The following NEURL3 variants were observed in gnomAD, a reference collection of about 807,000 sequenced individuals.
NEURL3 encodes the protein E3 ubiquitin-protein ligase NEURL3.
Under a neutral mutation model 17.6 loss-of-function variants are expected in NEURL3, and 19 were observed. That is an observed-to-expected ratio of 1.08 (90% CI 0.75 to 1.58). NEURL3 has a LOEUF of 1.58. Among genes scored for constraint, NEURL3 ranks in the 40% most tolerant of loss-of-function variants. The pLI is 0.00. For missense variants in NEURL3, 342 were observed against 379.6 expected (o/e 0.90, Z 0.82); for synonymous variants, 180 against 161.4 (o/e 1.11, Z -0.87).
At position 96,498,710 on chromosome 2, in the gene NEURL3, G is replaced by T. The variant is rs1288974913; in HGVS notation, c.587-264C>A. 6.6e-6 allele frequency among the ~76,000 whole-genome samples: 1 copy of T among 151,964 alleles called. No homozygotes were observed. Among genetic ancestry groups the T allele is most frequent in the Non-Finnish European group, 1.5e-5 (1 of 67,992 alleles). On this transcript the variant is annotated intron_variant, in intron 3 of 3. Coordinates refer to ENST00000451794, the MANE Select transcript of NEURL3 (RefSeq NM_001285485.2). This position sits in a 1 kb window ranked among gnomAD's most constrained non-coding sequence, Gnocchi z 4.4. ...TATACACACGTCTATATCGATGACCGAAAATACTGGGAGGAAATCCACCCA... is the reference window on the plus strand; with the variant it reads ...TATACACACGTCTATATCGATGACCTAAAATACTGGGAGGAAATCCACCCA...
At chr2:96,505,865 G>A (rs535755666), upstream of NEURL3, among the ~76,000 whole-genome samples, 7 of 152,316 alleles carry the variant, frequency 4.6e-5, no homozygotes, top group South Asian at 1.2e-3. Flanking sequence ...GAAAGGAGGG[G>A]TAAAGCAGAC....
intron 3 of NEURL3, 118 bp downstream of exon 3, chr2:96,499,260 C>G: frequency 6.8e-7 from 1 of 1,473,930 alleles, no homozygotes; most frequent in East Asian, 2.4e-5. Context: ...AGAGCCAAAT[C>G]TTTTGGCCCA....
At chr2:96,500,064 G>A (rs551655585) in intron 2 of NEURL3, 2 of 248,422 alleles carry the variant, frequency 8.1e-6, no homozygotes, top group South Asian at 5.8e-5. Context: ...CTCTCCATGC[G>A]CACCTCTAGC....
At chr2:96,506,699 G>T (rs191945650), upstream of NEURL3, among the ~76,000 whole-genome samples, 71 of 152,378 alleles carry the variant, frequency 4.7e-4, 1 homozygote, top group African/African-American at 1.7e-3. Context: ...TCCCCAGAGC[G>T]CTGCAGCCAT....
In NEURL3 at chr2:96,499,656, A is replaced by T. The variant is rs189497677; in HGVS notation, c.515-207T>A. Among the ~76,000 whole-genome samples the T allele has an allele frequency of 1.1e-4, 17 of 152,040 alleles. 3 individuals carry two copies. The highest frequency in any genetic ancestry group is 4.1e-4 in the African/African-American group (17 of 41,482). On this transcript the variant is annotated intron_variant, in intron 2 of 3. Coordinates refer to ENST00000451794, the MANE Select transcript of NEURL3 (RefSeq NM_001285485.2). ...AATCCGAGAATCCTTGGGGCTGGAGATTCCTCCTCCTGAGCCACCTTCCTT... is the reference window on the plus strand; with the variant it reads ...AATCCGAGAATCCTTGGGGCTGGAGTTTCCTCCTCCTGAGCCACCTTCCTT...
At chr2:96,506,183 C>T (rs943613923), upstream of NEURL3, among the ~76,000 whole-genome samples, 2 of 152,158 alleles carry the variant, frequency 1.3e-5, no homozygotes, top group African/African-American at 4.8e-5. Context: ...ACTCAGAAAG[C>T]CTGAGGCCCT....
chr2:96,499,843 C>T (rs541307872), intron 2 of NEURL3: 7 of 195,568 alleles, frequency 3.6e-5, no homozygotes, highest in South Asian at 1.2e-4. Context: ...AGGTGTGAGG[C>T]GCTGGCAGCT....
At position 96,499,425 on chromosome 2, in the gene NEURL3, G is replaced by A. The variant is rs746803128; in HGVS notation, c.539C>T (p.Thr180Ile). ...GTTGCTGAGGTCCCATGGCATGGGT[G>A]TTGGGAGCCGGCTGGCTGTGGGATC... Reference protein sequence around the residue: ...LLDPTASRLPTPMPWDLSNKA... With the variant: ...LLDPTASRLPIPMPWDLSNKA... Residue 180 changes from threonine (T) to isoleucine (I), a missense_variant, in exon 3 of 4, where the codon ACA becomes ATA. Coordinates refer to ENST00000451794, the MANE Select transcript of NEURL3 (RefSeq NM_001285485.2). The A allele has an allele frequency of 1.3e-5, 20 of 1,599,564 alleles. No homozygotes were observed. The highest frequency in any genetic ancestry group is 1.4e-5 in the Non-Finnish European group (16 of 1,179,804).
At chr2:96,504,967 G>A (rs140423057) in intron 1 of NEURL3, among the ~76,000 whole-genome samples, 1 of 151,804 alleles carries the variant, frequency 6.6e-6, no homozygotes, top group East Asian at 1.9e-4. Context: ...CTCAGGTGAG[G>A]CTTGCAGAGA....
rs766760024 is a variant in NEURL3 at position 96,500,597 on chromosome 2, G to T, written c.356C>A (p.Thr119Asn). The T allele has an allele frequency of 6.5e-7, 1 of 1,529,576 alleles. No homozygotes were observed. Among genetic ancestry groups the T allele is most frequent in the Non-Finnish European group, 8.7e-7 (1 of 1,144,580 alleles). 94.8% of individuals were successfully genotyped at this position (1,529,576 alleles called of 1,614,324 possible). A position where few individuals can be genotyped will look rare whatever the true frequency, so the allele number is the denominator to read the frequency against. ...CACCCAGAAGCGGACCAAGTCCCCA[G>T]TGAGCGCGCAGCCCTCAGGCAGCAC... ...AAVLPEGCAL[T>N]GDLVRFWVDR... The change falls in exon 2 of 4, where the codon ACT becomes AAT. Residue 119 changes from threonine (T) to asparagine (N), a missense_variant. By Grantham distance (65) the Thr-to-Asn change is moderately conservative (BLOSUM62 0). Coordinates refer to ENST00000451794, the MANE Select transcript of NEURL3 (RefSeq NM_001285485.2).
intron 2 of NEURL3, chr2:96,499,971 T>C (rs2065485193): frequency 5.3e-6 from 1 of 189,502 alleles, no homozygotes; most frequent in Admixed American, 5.8e-5. Context: ...TCTCCTGAAA[T>C]CCACCTTCTT....
rs765882726 is a variant in NEURL3, at chr2:96,498,282, G to A, written c.751C>T (p.Gln251Ter). The A allele has an allele frequency of 1.3e-6, 2 of 1,584,736 alleles. No homozygotes were observed. The highest frequency in any genetic ancestry group is 1.7e-6 in the Non-Finnish European group (2 of 1,173,076). The change falls in exon 4 of 4, where the codon CAG (glutamine) becomes TAG (stop). Residue 251 changes from glutamine (Q) to a stop codon, truncating the protein, a stop_gained. Transcript: ENST00000451794. LOFTEE classifies it low-confidence loss of function (END_TRUNC). The surrounding 1 kb of genome is among the most constrained non-coding windows in gnomAD (Gnocchi z 4.4). ...TCAACCCTCAGAGCAGGAGGGCCCT[G>A]CGCAGGGGCTACCGCCTCTATCTGC... ...RWQIEAVAPA[Q>*]GPPALRVEEG...
rs2065461589 is a variant in NEURL3 at position 96,498,153 on chromosome 2, A to C, written c.*91T>G. 7.6e-7 allele frequency: 1 copy of C among 1,315,064 alleles called. No individual in the cohort carries two copies. The highest frequency in any genetic ancestry group is 1.5e-5 in the African/African-American group (1 of 67,370). The allele number at this position is 1,315,064 out of a possible 1,614,324, so 81.5% of individuals were successfully genotyped here. A position where few individuals can be genotyped will look rare whatever the true frequency, so the allele number is the denominator to read the frequency against. On this transcript the variant is annotated 3_prime_UTR_variant, in exon 4 of 4. Transcript: ENST00000451794. The surrounding 1 kb of genome is among the most constrained non-coding windows in gnomAD (Gnocchi z 4.4). ...TAATCAGCCTTTCTGACTCTTCCCC[A>C]GAAAGAAGGTAGGGCTGCGCCTCCT...
chr2:96,500,825 G>A lies in NEURL3; in HGVS notation c.128C>T (p.Thr43Met), dbSNP rs1461594901. The A allele has an allele frequency of 6.5e-7, 1 of 1,529,132 alleles. No homozygotes were observed. The highest frequency in any genetic ancestry group is 8.7e-7 in the Non-Finnish European group (1 of 1,143,552). The allele number at this position is 1,529,132 out of a possible 1,614,324, so 94.7% of individuals were successfully genotyped here. A position where few individuals can be genotyped will look rare whatever the true frequency, so the allele number is the denominator to read the frequency against. Reference sequence around the variant, plus strand: ...GCTGAACACGATGCCGTCGTGGAACGTGGTGCGCCTGTGCGCGATGCAGCC... The same window carrying A: ...GCTGAACACGATGCCGTCGTGGAACATGGTGCGCCTGTGCGCGATGCAGCC... ...TRGCIAHRRT[T>M]FHDGIVFSQR... The change falls in exon 2 of 4, where the codon ACG (threonine) becomes ATG (methionine). Residue 43 changes from threonine (T) to methionine (M), a missense_variant. Thr to Met is a moderately conservative substitution (Grantham distance 81). Coordinates refer to ENST00000451794, the MANE Select transcript of NEURL3 (RefSeq NM_001285485.2).
At chr2:96,505,009 C>T (rs867270364) in intron 1 of NEURL3, among the ~76,000 whole-genome samples, 4 of 151,610 alleles carry the variant, frequency 2.6e-5, no homozygotes, top group Non-Finnish European at 4.4e-5. Flanking sequence ...TTGATTTGTG[C>T]GTTTGATTTT....
chr2:96,499,952 T>A (rs1341337219), intron 2 of NEURL3: 4 of 189,722 alleles, frequency 2.1e-5, no homozygotes, highest in Non-Finnish European at 3.2e-5. Context: ...TATTACTGCC[T>A]CTCTGTGCTC....
Position 96,501,332 on chromosome 2 carries a change from G to A in NEURL3, c.29-408C>T, listed in dbSNP as rs187114421. Among the ~76,000 whole-genome samples, 53 of 152,216 alleles carry A rather than the reference G, an allele frequency of 3.5e-4. 4 individuals carry two copies. In the East Asian group the frequency reaches 0.01, roughly 29 times the overall value. The stretch of plus-strand genomic sequence containing the variant: ...TGCCTCCCAAAGCGCTAGGATTACA[G>A]GCATGAGCCACTGCGCCCAGCCCAT... On this transcript the variant is annotated intron_variant, in intron 1 of 3. Coordinates refer to ENST00000451794, the MANE Select transcript of NEURL3 (RefSeq NM_001285485.2).
Position 96,500,615 on chromosome 2 carries a change from G to C in NEURL3, c.338C>G (p.Pro113Arg). 6.6e-7 allele frequency: 1 copy of C among 1,520,956 alleles called. No homozygotes were observed. The highest frequency in any genetic ancestry group is 8.8e-7 in the Non-Finnish European group (1 of 1,141,090). 94.2% of individuals were successfully genotyped at this position (1,520,956 alleles called of 1,614,324 possible). A position where few individuals can be genotyped will look rare whatever the true frequency, so the allele number is the denominator to read the frequency against. The change falls in exon 2 of 4, where the codon CCT becomes CGT. Residue 113 changes from proline (P) to arginine (R), a missense_variant. By Grantham distance (103) the Pro-to-Arg change is moderately radical. Coordinates refer to ENST00000451794, the MANE Select transcript of NEURL3 (RefSeq NM_001285485.2). ...EQSPTWAAVL[P>R]EGCALTGDLV... is the part of the protein sequence containing the mutation. ...GTCCCCAGTGAGCGCGCAGCCCTCA[G>C]GCAGCACGGCCGCCCACGTCGGGCT... is the stretch of plus-strand genomic sequence containing the variant.
chr2:96,499,568 C>T (rs956424352), intron 2 of NEURL3, 119 bp from the exon 3 acceptor site: 7 of 820,756 alleles, frequency 8.5e-6, no homozygotes, highest in Admixed American at 2.3e-5. Context: ...CAATGCTGAG[C>T]CCCCATCCCC....
Sources: gnomAD v4.1 joint callset for allele counts (sites outside exome capture counted in the v4.1 genomes callset) on GRCh38, gnomAD v4.1.1 for gene constraint, Gnocchi (gnomAD v3.1) non-coding constraint, MANE v1.5 for transcripts, NCBI Gene and HGNC (gene_info 2026-07-23, HGNC 2026-07-21) for gene names.